AFG1L: variants seen among roughly 807,000 people sequenced by gnomAD.
AFG1L encodes the protein AFG1 like ATPase, also known as AFG1-like ATPase.
AFG1L carries 53 observed loss-of-function variants against 62.2 expected under a neutral mutation model. The ratio of observed to expected loss-of-function variants is 0.85; its 90% CI spans 0.68 to 1.07. The LOEUF (loss-of-function observed/expected upper bound fraction) is 1.07. AFG1L is among the 50% of genes least tolerant of loss of function. The pLI is 0.00. For synonymous variants in AFG1L, 228 were observed against 210.3 expected (o/e 1.08, Z -0.73); for missense variants, 555 against 590.5 (o/e 0.94, Z 0.62).
chr6:108,488,204 T>C (rs906210983), intron 10 of AFG1L, among the ~76,000 whole-genome samples: 1 of 152,222 alleles, frequency 6.6e-6, no homozygotes, highest in African/African-American at 2.4e-5. Context: ...CAAATATTTA[T>C]AGAGTACTTA....
intron 10 of AFG1L, among the ~76,000 whole-genome samples, chr6:108,486,567 A>G (rs1024042231): frequency 2.0e-5 from 3 of 152,232 alleles, no homozygotes; most frequent in Non-Finnish European, 4.4e-5. Context: ...CAAAGGAGCC[A>G]TAATATCTTA....
rs1772089804 is a variant in AFG1L, at chr6:108,452,320, C to A, written c.890+5024C>A. ...AGGATCCATGATATGCTTCCCCAGGCCATTTTGCTATCCCTATTGTGAAGC... is the reference window on the plus strand; with the variant it reads ...AGGATCCATGATATGCTTCCCCAGGACATTTTGCTATCCCTATTGTGAAGC... On this transcript the variant is annotated intron_variant, in intron 8 of 12. Transcript: ENST00000368977. Among the ~76,000 whole-genome samples, 3 of 152,142 alleles carry A rather than the reference C, an allele frequency of 2.0e-5. No homozygotes were observed. In the South Asian group the frequency reaches 6.2e-4, roughly 32 times the overall value.
chr6:108,353,565 C>T (rs1010257230), intron 3 of AFG1L, among the ~76,000 whole-genome samples: 2 of 151,298 alleles, frequency 1.3e-5, no homozygotes, highest in African/African-American at 4.9e-5. Flanking sequence ...CTTGCTAACA[C>T]TTGTTATTTT....
intron 2 of AFG1L, among the ~76,000 whole-genome samples, chr6:108,346,387 A>C (rs1778865966): frequency 1.3e-5 from 2 of 150,360 alleles, no homozygotes; most frequent in Admixed American, 6.6e-5. Flanking sequence ...TTAAATTGAG[A>C]TGGGGTCTTG....
intron 7 of AFG1L, among the ~76,000 whole-genome samples, chr6:108,418,023 G>T (rs375686677): frequency 6.6e-6 from 1 of 151,978 alleles, no homozygotes; most frequent in African/African-American, 2.4e-5. Flanking sequence ...TAGTAGAGAC[G>T]GGGGTTCATC....
intron 5 of AFG1L, among the ~76,000 whole-genome samples, chr6:108,361,728 G>A (rs1418070537): frequency 6.6e-6 from 1 of 152,044 alleles, no homozygotes; most frequent in Non-Finnish European, 1.5e-5. Context: ...ATTCCTAAGA[G>A]GAACTCCCTC....
chr6:108,318,376 A>G, intron 1 of AFG1L: 1 of 357,900 alleles, frequency 2.8e-6, no homozygotes, highest in Non-Finnish European at 5.3e-6. Context: ...GGGAAGAGGT[A>G]AGAGAAAGGC....
rs1268761499 is a variant in AFG1L at position 108,525,459 on chromosome 6, T to C, written c.*3034T>C. ...AGGCAATACTTTTATCTTCTTAAAGTATATTTCCTGTACTTATAAGTGTGC... is the reference window on the plus strand; with the variant it reads ...AGGCAATACTTTTATCTTCTTAAAGCATATTTCCTGTACTTATAAGTGTGC... On this transcript the variant is annotated 3_prime_UTR_variant, in exon 13 of 13. Coordinates refer to ENST00000368977, the MANE Select transcript of AFG1L (RefSeq NM_145315.5). 6.6e-6 allele frequency: 1 copy of C among 152,222 alleles called. No individual in the cohort carries two copies. Among genetic ancestry groups the C allele is most frequent in the East Asian group, 1.9e-4 (1 of 5,202 alleles). 9.4% of individuals were successfully genotyped at this position (152,222 alleles called of 1,614,324 possible).
At chr6:108,424,485 G>A (rs1341404832) in intron 7 of AFG1L, among the ~76,000 whole-genome samples, 1 of 151,970 alleles carries the variant, frequency 6.6e-6, no homozygotes, top group Non-Finnish European at 1.5e-5. Flanking sequence ...ATGCATTTAC[G>A]AAGGGCTTAG....
At chr6:108,400,697 A>AT (rs1781538477) in intron 6 of AFG1L, among the ~76,000 whole-genome samples, 1 of 97,562 alleles carries the variant, frequency 1.0e-5, no homozygotes, top group Non-Finnish European at 2.1e-5. Flanking sequence ...AATTATATAT[A>AT]TATTATTATA....
In AFG1L at chr6:108,295,165, G is replaced by T. The variant is rs1364234065; in HGVS notation, c.86G>T (p.Trp29Leu). 5 of 1,609,050 alleles carry T rather than the reference G, an allele frequency of 3.1e-6. No individual in the cohort carries two copies. The African/African-American group carries it at 6.7e-5, about 21-fold the overall frequency. ...LRGRCVGCGA[W>L]AAALAPLATA... Reference sequence around the variant, plus strand: ...GGGAGATGTGTTGGGTGCGGGGCCTGGGCCGCCGCTCTCGCTCCTCTGGCC... The same window carrying T: ...GGGAGATGTGTTGGGTGCGGGGCCTTGGCCGCCGCTCTCGCTCCTCTGGCC... Residue 29 changes from tryptophan (W) to leucine (L), a missense_variant, in exon 1 of 13, where the codon TGG becomes TTG. Trp to Leu is a moderately conservative substitution (Grantham distance 61). Transcript: ENST00000368977.
intron 7 of AFG1L, among the ~76,000 whole-genome samples, chr6:108,418,170 C>A (rs558761082): frequency 6.6e-6 from 1 of 152,210 alleles, no homozygotes; most frequent in Admixed American, 6.5e-5. Flanking sequence ...TTCATTTTAC[C>A]CTCTGCACTG....
chr6:108,428,376 C>G (rs1770918941), intron 7 of AFG1L, among the ~76,000 whole-genome samples: 1 of 152,176 alleles, frequency 6.6e-6, no homozygotes, highest in Non-Finnish European at 1.5e-5. Flanking sequence ...GATTAGTTCT[C>G]CATGTTTGCA....
intron 8 of AFG1L, among the ~76,000 whole-genome samples, chr6:108,450,938 TAAAA>T (rs201994960): frequency 2.9e-5 from 4 of 136,836 alleles, no homozygotes; most frequent in Non-Finnish European, 4.8e-5. Flanking sequence ...CCACTGGTAT[TAAAA>T]AAAAAAAAAA....
chr6:108,354,939 CTG>C (rs1328817664), intron 3 of AFG1L, among the ~76,000 whole-genome samples: 2 of 152,116 alleles, frequency 1.3e-5, no homozygotes, highest in African/African-American at 4.8e-5. Context: ...CAAGGATTGA[CTG>C]TATCAGAATT....
intron 7 of AFG1L, among the ~76,000 whole-genome samples, chr6:108,421,590 C>T (rs1422418522): frequency 6.6e-6 from 1 of 152,050 alleles, no homozygotes; most frequent in Non-Finnish European, 1.5e-5. Flanking sequence ...ATACTTTTTA[C>T]ATAATGGTTG....
At chr6:108,389,917 G>A (rs6937924) in intron 6 of AFG1L, among the ~76,000 whole-genome samples, 8,794 of 152,056 alleles carry the variant, frequency 0.058, 629 homozygotes, top group African/African-American at 0.17. Context: ...GAATTTGAAT[G>A]TTGACCTGCC....
rs1423234895 is a variant in AFG1L at position 108,523,734 on chromosome 6, C to T, written c.*1309C>T. On this transcript the variant is annotated 3_prime_UTR_variant, in exon 13 of 13. Coordinates refer to ENST00000368977, the MANE Select transcript of AFG1L (RefSeq NM_145315.5). The stretch of plus-strand genomic sequence containing the variant: ...TTTAATTTCTTAGTCAATAATCCAT[C>T]ACATAGTCTCTTTTAGATATTAACC... 1 of 152,004 alleles carries T rather than the reference C, an allele frequency of 6.6e-6. No homozygotes were observed. Among genetic ancestry groups the T allele is most frequent in the Admixed American group, 6.6e-5 (1 of 15,254 alleles). The allele number at this position is 152,004 out of a possible 1,614,324, so 9.4% of individuals were successfully genotyped here.
At chr6:108,304,552 G>C (rs1404132401) in intron 1 of AFG1L, among the ~76,000 whole-genome samples, 1 of 152,120 alleles carries the variant, frequency 6.6e-6, no homozygotes, top group African/African-American at 2.4e-5. Context: ...GTATTTAAAT[G>C]GATGTTTAAT....
Sources: gnomAD v4.1 joint callset for allele counts (sites outside exome capture counted in the v4.1 genomes callset) on GRCh38, gnomAD v4.1.1 for gene constraint, MANE v1.5 for transcripts, NCBI Gene and HGNC (gene_info 2026-07-23, HGNC 2026-07-21) for gene names.